The following SYNE2 variants were observed in gnomAD, a reference collection of about 807,000 sequenced individuals.
SYNE2 encodes nesprin-2.
Under a neutral mutation model 856.3 loss-of-function variants are expected in SYNE2, and 431 were observed. The ratio of observed to expected loss-of-function variants is 0.50; its 90% CI spans 0.47 to 0.55. The LOEUF (loss-of-function observed/expected upper bound fraction) is 0.55, where lower values mean the gene tolerates loss of function less well. Among genes scored for constraint, SYNE2 ranks in the 20% least tolerant of loss-of-function variants. SYNE2 has a pLI of 0.00. For missense variants in SYNE2, 8,129 were observed against 8,023.2 expected (o/e 1.01, Z -0.50); for synonymous variants, 2,923 against 2,872.3 (o/e 1.02, Z -0.56).
intron 44 of SYNE2, 139 bp downstream of exon 44, chr14:64,030,198 A>C: frequency 1.2e-6 from 1 of 861,760 alleles, no homozygotes; most frequent in Non-Finnish European, 1.9e-6. Flanking sequence ...CTGACCAGTC[A>C]TAATAAATGA....
At chr14:63,920,324 C>A (rs2095584980) in intron 2 of SYNE2, among the ~76,000 whole-genome samples, 1 of 151,592 alleles carries the variant, frequency 6.6e-6, no homozygotes, top group South Asian at 2.1e-4. Context: ...GAAAATGATT[C>A]CTAAGCTGTT....
At chr14:64,175,474 A>C (rs1290387282) in intron 95 of SYNE2, among the ~76,000 whole-genome samples, 1 of 152,222 alleles carries the variant, frequency 6.6e-6, no homozygotes, top group South Asian at 2.1e-4. Flanking sequence ...CAGAGAATGC[A>C]CTTTTCCATA....
chr14:64,120,849 A>C, intron 67 of SYNE2, 78 bp from the exon 68 acceptor site: 6 of 1,453,322 alleles, frequency 4.1e-6, no homozygotes, highest in Non-Finnish European at 5.8e-6. Flanking sequence ...TTTTCTATGT[A>C]GTCCCATTAT....
chr14:64,041,401 T>C (rs190994717), intron 45 of SYNE2, among the ~76,000 whole-genome samples: 45 of 152,196 alleles, frequency 3.0e-4, no homozygotes, highest in Admixed American at 1.6e-3. Flanking sequence ...GACAATCTAC[T>C]GAAAGATAAT....
rs978117594 is a variant in SYNE2 at position 64,218,603 on chromosome 14, A to G, written c.19657+91A>G. The G allele has an allele frequency of 6.3e-6, 8 of 1,268,146 alleles. No homozygotes were observed. In the African/African-American group the frequency reaches 8.7e-5, roughly 14 times the overall value. 78.6% of individuals were successfully genotyped at this position (1,268,146 alleles called of 1,614,324 possible). On this transcript the variant is annotated intron_variant, in intron 109 of 115. Coordinates refer to ENST00000555002, the MANE Select transcript of SYNE2 (RefSeq NM_182914.3). ...AACATTCATTAGATATTAACCAACT[A>G]TACGATTCGCCAGAACTGGGGGACT...
chr14:64,094,700 C>T (rs1026660505), intron 61 of SYNE2, among the ~76,000 whole-genome samples: 3 of 152,074 alleles, frequency 2.0e-5, no homozygotes, highest in Admixed American at 2.0e-4. Flanking sequence ...GTAATGAAGA[C>T]TCAGTATTGT....
In SYNE2 at chr14:63,843,908, T is replaced by C. The variant is rs545781666; in HGVS notation, c.-304-8593T>C. 2.0e-5 allele frequency among the ~76,000 whole-genome samples: 3 copies of C among 152,302 alleles called. No homozygotes were observed. In the South Asian group the frequency reaches 6.2e-4, roughly 32 times the overall value. ...ATTTTAGATTTACAGCAAAATTGAG[T>C]GGAAAGTACAGAGCATTCCCATATA... On this transcript the variant is annotated intron_variant, in intron 1 of 23. Transcript: ENST00000674003.
intron 45 of SYNE2, among the ~76,000 whole-genome samples, chr14:64,038,250 C>T (rs1219727609): frequency 1.3e-4 from 20 of 149,974 alleles, no homozygotes; most frequent in African/African-American, 4.7e-4. Context: ...GGATGGCGGC[C>T]GGGAAGAGGC....
intron 54 of SYNE2, among the ~76,000 whole-genome samples, chr14:64,078,154 C>G (rs1373076202): frequency 2.0e-5 from 3 of 152,136 alleles, no homozygotes; most frequent in Admixed American, 6.5e-5. Context: ...ATGTTTCACA[C>G]AATCCACTCA....
chr14:63,964,776 G>A (rs576113396), intron 10 of SYNE2, among the ~76,000 whole-genome samples: 3 of 151,588 alleles, frequency 2.0e-5, no homozygotes, highest in South Asian at 4.2e-4. Context: ...CACCTGCCTC[G>A]GCCTCCCAAA....
At chr14:64,070,598 T>C in intron 51 of SYNE2, 47 bp from the exon 52 acceptor site, 1 of 1,536,782 alleles carries the variant, frequency 6.5e-7, no homozygotes, top group Non-Finnish European at 8.9e-7. Flanking sequence ...TCCTGAAATG[T>C]AATTGTATAT....
At chr14:64,212,706 C>A in intron 104 of SYNE2, 105 bp from the exon 105 acceptor site, 1 of 1,062,510 alleles carries the variant, frequency 9.4e-7, no homozygotes, top group Non-Finnish European at 1.4e-6. Flanking sequence ...AGGAAAACAA[C>A]AATAATGACA....
chr14:64,021,246 G>A (rs1373549540), intron 35 of SYNE2, 69 bp from the exon 36 acceptor site: 23 of 1,194,220 alleles, frequency 1.9e-5, no homozygotes, highest in Non-Finnish European at 2.6e-5. Context: ...CCATTCTCTA[G>A]CAATGCAGTT....
intron 1 of SYNE2, among the ~76,000 whole-genome samples, chr14:63,780,903 G>T (rs1016949686): frequency 6.6e-6 from 1 of 152,160 alleles, no homozygotes; most frequent in Non-Finnish European, 1.5e-5. Flanking sequence ...TGAGAAAGAA[G>T]AACAAAGGAG....
intron 97 of SYNE2, 72 bp from the exon 98 acceptor site, chr14:64,188,478 T>C: frequency 6.3e-7 from 1 of 1,580,502 alleles, no homozygotes. Context: ...GAAACTCAGT[T>C]TTTTTGAGGG....
chr14:63,992,190 G>A (rs182424831), intron 21 of SYNE2, among the ~76,000 whole-genome samples: 1 of 151,818 alleles, frequency 6.6e-6, no homozygotes, highest in East Asian at 1.9e-4. Context: ...TTAAACGATG[G>A]TGAGGCTGGA....
At position 63,815,205 on chromosome 14, in the gene SYNE2, C is replaced by CATATATATGGATATATAT. The variant is rs1555341286; in HGVS notation, c.-304-37288_-304-37287insGGATATATATATATATAT. 2.6e-4 allele frequency among the ~76,000 whole-genome samples: 25 copies of CATATATATGGATATATAT among 94,612 alleles called. 3 individuals carry two copies. Among genetic ancestry groups the CATATATATGGATATATAT allele is most frequent in the South Asian group, 1.4e-3 (4 of 2,788 alleles). The allele number at this position is 94,612 out of a possible 152,430, so 62.1% of individuals were successfully genotyped here. A position where few individuals can be genotyped will look rare whatever the true frequency, so the allele number is the denominator to read the frequency against. On this transcript the variant is annotated intron_variant, in intron 1 of 23. Transcript: ENST00000674003. ...CCATATATATATCCATATATATATC[C>CATATATATGGATATATAT]ATATATATATCCATATATATATCCA... is the stretch of plus-strand genomic sequence containing the variant.
chr14:64,045,055 G>C (rs1371909176), intron 45 of SYNE2, among the ~76,000 whole-genome samples: 1 of 152,144 alleles, frequency 6.6e-6, no homozygotes, highest in African/African-American at 2.4e-5. Context: ...GCTGATGAAA[G>C]AATCTTCCAT....
At chr14:63,943,673 TTATTA>T (rs749561497) in intron 6 of SYNE2, among the ~76,000 whole-genome samples, 1,496 of 144,786 alleles carry the variant, frequency 0.01, 26 homozygotes, top group African/African-American at 0.036. Context: ...TTACTTATTA[TTATTA>T]TTTTTTTTTT....
Sources: allele counts gnomAD v4.1 joint callset (sites outside exome capture counted in the v4.1 genomes callset), GRCh38; gene constraint gnomAD v4.1.1; transcripts MANE v1.5; gene names NCBI Gene and HGNC (gene_info 2026-07-23, HGNC 2026-07-21).